The following WWOX variants were observed in gnomAD, a reference collection of about 807,000 sequenced individuals.
WWOX encodes the protein WW domain containing oxidoreductase.
Under a neutral mutation model 46.2 loss-of-function variants are expected in WWOX, and 69 were observed. The ratio of observed to expected loss-of-function variants is 1.49; its 90% CI spans 1.23 to 1.82. WWOX has a LOEUF of 1.82. Ranked by LOEUF, WWOX falls within the 40% of genes most tolerant of loss-of-function variation. The probability of loss-of-function intolerance (pLI) is 0.00; values close to 1 mark genes in which losing one functional copy is unlikely to be tolerated. For synonymous variants in WWOX, 359 were observed against 202.6 expected, an observed-to-expected ratio of 1.77 and a Z score of -6.56; for missense variants, 919 against 542.6, an observed-to-expected ratio of 1.69 and a Z score of -6.89.
intron 5 of WWOX, chr16:78,280,879 A>G (rs181061174): frequency 5.7e-4 from 87 of 153,088 alleles, no homozygotes; most frequent in African/African-American, 2.0e-3. Context: ...AGAATTGTGT[A>G]TTTTGGAAAA....
intron 8 of WWOX, among the ~76,000 whole-genome samples, chr16:78,902,008 G>A (rs2044843195): frequency 6.6e-6 from 1 of 152,210 alleles, no homozygotes; most frequent in Non-Finnish European, 1.5e-5. Context: ...AATGGAAGAA[G>A]GGGATGAAAT....
chr16:78,268,471 C>T (rs1347139209), intron 5 of WWOX, among the ~76,000 whole-genome samples: 1 of 152,188 alleles, frequency 6.6e-6, no homozygotes, highest in Non-Finnish European at 1.5e-5. Flanking sequence ...TCACTACCTG[C>T]ATTTGCTGTA....
chr16:78,190,044 A>G (rs1862695), intron 5 of WWOX, among the ~76,000 whole-genome samples: 4,856 of 152,244 alleles, frequency 0.032, 257 homozygotes, highest in African/African-American at 0.11. Flanking sequence ...ACATGTGTCC[A>G]CACTTGGTAT....
intron 8 of WWOX, among the ~76,000 whole-genome samples, chr16:78,925,856 G>C (rs185052078): frequency 1.4e-4 from 22 of 152,252 alleles, no homozygotes; most frequent in Middle Eastern, 3.4e-3. Flanking sequence ...CCAGGATTTG[G>C]TCATTTCTTG....
chr16:78,183,269 C>T (rs28449430), intron 5 of WWOX, among the ~76,000 whole-genome samples: 9,532 of 152,114 alleles, frequency 0.063, 996 homozygotes, highest in African/African-American at 0.22. Context: ...GTGTTGGGGG[C>T]GGTGTGGCTG....
intron 8 of WWOX, among the ~76,000 whole-genome samples, chr16:78,937,828 A>G (rs540211495): frequency 1.2e-4 from 18 of 149,112 alleles, no homozygotes; most frequent in African/African-American, 4.2e-4. Context: ...TGTTTTTACT[A>G]TGTTGGCCAG....
At chr16:78,657,145 C>T (rs2047099634) in intron 8 of WWOX, among the ~76,000 whole-genome samples, 1 of 152,178 alleles carries the variant, frequency 6.6e-6, no homozygotes, top group South Asian at 2.1e-4. Context: ...ACCTTCACCA[C>T]CACCCAATGT....
intron 5 of WWOX, among the ~76,000 whole-genome samples, chr16:78,210,538 C>G (rs1167675698): frequency 3.3e-5 from 5 of 152,140 alleles, no homozygotes; most frequent in Admixed American, 6.6e-5. Flanking sequence ...GTCTCTCTCT[C>G]TTTCTCTGTC....
At chr16:78,482,972 A>G (rs147717641) in intron 8 of WWOX, among the ~76,000 whole-genome samples, 8 of 152,248 alleles carry the variant, frequency 5.3e-5, no homozygotes, top group African/African-American at 1.9e-4. Flanking sequence ...ACTGAGATCT[A>G]TGCATGTTGT....
At chr16:78,968,382 A>C (rs557395627) in intron 8 of WWOX, among the ~76,000 whole-genome samples, 2 of 151,592 alleles carry the variant, frequency 1.3e-5, no homozygotes, top group South Asian at 2.1e-4. Context: ...GATGGAGATA[A>C]ATTGTCATTG....
chr16:79,207,018 A>C (rs758086407), intron 8 of WWOX, among the ~76,000 whole-genome samples: 1 of 152,166 alleles, frequency 6.6e-6, no homozygotes, highest in Non-Finnish European at 1.5e-5. Context: ...GCACCGAGGT[A>C]TCTGGAGATG....
chr16:78,192,535 A>ACCCATAT (rs1479694884), intron 5 of WWOX, among the ~76,000 whole-genome samples: 1 of 151,392 alleles, frequency 6.6e-6, no homozygotes, highest in Admixed American at 6.6e-5. Flanking sequence ...AACAAATAGG[A>ACCCATAT]CCCATATCCC....
intron 8 of WWOX, among the ~76,000 whole-genome samples, chr16:78,648,134 G>T (rs1445241479): frequency 3.3e-5 from 5 of 152,202 alleles, no homozygotes. Flanking sequence ...TATGTTGAAA[G>T]GTGACTGAAT....
At chr16:78,308,298 G>C (rs2080170850) in intron 5 of WWOX, among the ~76,000 whole-genome samples, 1 of 152,156 alleles carries the variant, frequency 6.6e-6, no homozygotes, top group Non-Finnish European at 1.5e-5. Flanking sequence ...ATGGATCCCT[G>C]CCTCTGGGCC....
In WWOX at chr16:78,540,652, G is replaced by C. The variant is rs112003018; in HGVS notation, c.1056+107900G>C. On this transcript the variant is annotated intron_variant, in intron 8 of 8. Coordinates refer to ENST00000566780, the MANE Select transcript of WWOX (RefSeq NM_016373.4). ...CCTACCTGAGCTCTGAGTTTCTGTG[G>C]ATTTCTATAGGCTCCTGCAAATTTT... Among the ~76,000 whole-genome samples, 41 of 151,916 alleles carry C rather than the reference G, an allele frequency of 2.7e-4. 1 individual carries two copies. Among genetic ancestry groups the C allele is most frequent in the African/African-American group, 9.7e-4 (40 of 41,414 alleles).
At chr16:78,462,327 G>C (rs948822049) in intron 8 of WWOX, among the ~76,000 whole-genome samples, 1 of 151,952 alleles carries the variant, frequency 6.6e-6, no homozygotes, top group Non-Finnish European at 1.5e-5. Flanking sequence ...TAGCTAACGA[G>C]GGCTGTGATT....
At chr16:79,009,221 G>T (rs909619123) in intron 8 of WWOX, among the ~76,000 whole-genome samples, 7 of 152,232 alleles carry the variant, frequency 4.6e-5, no homozygotes, top group Non-Finnish European at 2.9e-5. Flanking sequence ...GTGAATGCCA[G>T]TTCACTTGAG....
At chr16:78,427,733 A>G (rs1411893888) in intron 7 of WWOX, among the ~76,000 whole-genome samples, 1 of 152,098 alleles carries the variant, frequency 6.6e-6, no homozygotes, top group Non-Finnish European at 1.5e-5. Flanking sequence ...AGCGTTGATC[A>G]TGCCACTGCA....
At chr16:78,997,347 A>C (rs41521944) in intron 8 of WWOX, among the ~76,000 whole-genome samples, 17,094 of 152,178 alleles carry the variant, frequency 0.11, 2,476 homozygotes, top group African/African-American at 0.34. Flanking sequence ...AACTGCATGG[A>C]AAATCTAGAA....
Sources: gnomAD v4.1 joint callset for allele counts (sites outside exome capture counted in the v4.1 genomes callset) on GRCh38, gnomAD v4.1.1 for gene constraint, MANE v1.5 for transcripts, NCBI Gene and HGNC (gene_info 2026-07-23, HGNC 2026-07-21) for gene names.